Variants in ERC2 observed in about 807,000 individuals in gnomAD.
ERC2 encodes the protein ELKS/RAB6-interacting/CAST family member 2, also known as ERC protein 2.
Under a neutral mutation model 114.8 loss-of-function variants are expected in ERC2, and 42 were observed. The ratio of observed to expected loss-of-function variants is 0.37; its 90% CI spans 0.29 to 0.47. The LOEUF (loss-of-function observed/expected upper bound fraction) is 0.47, where lower values mean the gene tolerates loss of function less well. ERC2 is among the 20% of genes least tolerant of loss of function. The pLI, the probability that ERC2 is intolerant of heterozygous loss-of-function variation, is 0.99. For synonymous variants in ERC2, 454 were observed against 425.5 expected (o/e 1.07, Z -0.82); for missense variants, 939 against 1,150.7 (o/e 0.82, Z 2.66).
chr3:55,919,556 T>C (rs1421583505), intron 13 of ERC2, among the ~76,000 whole-genome samples: 1 of 152,140 alleles, frequency 6.6e-6, no homozygotes, highest in African/African-American at 2.4e-5. Flanking sequence ...AATTTGTAGG[T>C]ATCTGGAATA....
intron 17 of ERC2, among the ~76,000 whole-genome samples, chr3:55,535,169 A>G (rs1186517625): frequency 3.9e-5 from 6 of 152,118 alleles, no homozygotes; most frequent in African/African-American, 1.4e-4. Flanking sequence ...CCAGCTTTCC[A>G]AGTGGGGCTG....
intron 6 of ERC2, among the ~76,000 whole-genome samples, chr3:56,138,751 T>C (rs1340804354): frequency 6.6e-6 from 1 of 152,258 alleles, no homozygotes; most frequent in East Asian, 1.9e-4. Context: ...CATTTTTCCC[T>C]ATTGCCTGCT....
In ERC2 at chr3:55,873,612, T is replaced by C. The variant is rs74364815; in HGVS notation, c.2564+14777A>G. 7.0e-3 allele frequency among the ~76,000 whole-genome samples: 1,067 copies of C among 152,360 alleles called. 11 individuals carry two copies. Among genetic ancestry groups the C allele is most frequent in the African/African-American group, 0.025 (1,030 of 41,588 alleles). On this transcript the variant is annotated intron_variant, in intron 14 of 17. Coordinates refer to ENST00000288221, the MANE Select transcript of ERC2 (RefSeq NM_015576.3). Reference sequence around the variant, plus strand: ...CCAAGGCCCTGGGTGGTCTGGCCTCTGCCCACCTCTCCAGCCTCAACCAAT... The same window carrying C: ...CCAAGGCCCTGGGTGGTCTGGCCTCCGCCCACCTCTCCAGCCTCAACCAAT...
intron 3 of ERC2, among the ~76,000 whole-genome samples, chr3:56,235,619 C>A (rs891013596): frequency 6.6e-6 from 1 of 152,134 alleles, no homozygotes. Context: ...CTGACCGAGT[C>A]CAAGTTCCAG....
intron 13 of ERC2, among the ~76,000 whole-genome samples, chr3:55,890,840 C>A (rs1486423936): frequency 6.6e-6 from 1 of 152,174 alleles, no homozygotes; most frequent in African/African-American, 2.4e-5. Flanking sequence ...GGCCCTGGAC[C>A]GAGGACCATG....
intron 15 of ERC2, among the ~76,000 whole-genome samples, chr3:55,700,904 A>C (rs948787644): frequency 1.5e-4 from 23 of 152,150 alleles, no homozygotes; most frequent in Admixed American, 7.9e-4. Context: ...GAGTGACCAA[A>C]AGAATGAAGG....
chr3:56,038,872 G>T (rs1285393222), intron 7 of ERC2, among the ~76,000 whole-genome samples: 1 of 152,152 alleles, frequency 6.6e-6, no homozygotes, highest in African/African-American at 2.4e-5. Flanking sequence ...TTATAAGTTG[G>T]TGCTGAACAA....
intron 2 of ERC2, among the ~76,000 whole-genome samples, chr3:56,404,322 T>C (rs1488923614): frequency 6.6e-6 from 1 of 152,222 alleles, no homozygotes; most frequent in Non-Finnish European, 1.5e-5. Context: ...TTCTGTCTCA[T>C]CCCTAGAAAT....
At chr3:55,543,142 A>G (rs2107353818) in intron 17 of ERC2, among the ~76,000 whole-genome samples, 1 of 152,000 alleles carries the variant, frequency 6.6e-6, no homozygotes, top group East Asian at 1.9e-4. Context: ...CCTGAACTCC[A>G]TCAGACCTCG....
At chr3:55,803,926 T>C (rs1575651041) in intron 14 of ERC2, among the ~76,000 whole-genome samples, 2 of 152,282 alleles carry the variant, frequency 1.3e-5, no homozygotes, top group South Asian at 4.1e-4. Context: ...ACATCACTAA[T>C]TTATCCTAGA....
At chr3:56,430,138 A>T (rs1247254666) in intron 2 of ERC2, among the ~76,000 whole-genome samples, 1 of 152,228 alleles carries the variant, frequency 6.6e-6, no homozygotes, top group Non-Finnish European at 1.5e-5. Flanking sequence ...TTAGATCATT[A>T]GAACTTAGGT....
At chr3:55,971,262 G>C (rs2069134678) in intron 12 of ERC2, among the ~76,000 whole-genome samples, 1 of 151,920 alleles carries the variant, frequency 6.6e-6, no homozygotes, top group African/African-American at 2.4e-5. Context: ...AGAATTAGAG[G>C]GTGGTGATGG....
intron 17 of ERC2, among the ~76,000 whole-genome samples, chr3:55,515,961 C>T (rs1160436197): frequency 2.0e-5 from 3 of 152,110 alleles, no homozygotes; most frequent in Non-Finnish European, 4.4e-5. Context: ...AGTAGTAAAA[C>T]GCAGGCTATT....
intron 14 of ERC2, among the ~76,000 whole-genome samples, chr3:55,751,459 CAT>C (rs2066700900): frequency 6.6e-6 from 1 of 152,168 alleles, no homozygotes; most frequent in African/African-American, 2.4e-5. Context: ...TAAAATATGA[CAT>C]ACTCTGCCTC....
intron 14 of ERC2, among the ~76,000 whole-genome samples, chr3:55,781,300 G>A (rs570403183): frequency 1.3e-5 from 2 of 152,242 alleles, no homozygotes; most frequent in South Asian, 4.1e-4. Context: ...ACTGTTGGAA[G>A]AACAAGCACT....
intron 14 of ERC2, among the ~76,000 whole-genome samples, chr3:55,880,830 A>G (rs2063081068): frequency 6.6e-6 from 1 of 152,128 alleles, no homozygotes; most frequent in African/African-American, 2.4e-5. Flanking sequence ...TGAATGGAGA[A>G]GGCCAAGTTG....
chr3:56,169,809 A>T (rs1310119990), intron 4 of ERC2, among the ~76,000 whole-genome samples: 1 of 111,072 alleles, frequency 9.0e-6, no homozygotes, highest in Non-Finnish European at 2.0e-5. Context: ...TCATTTTCTT[A>T]AAAAAAAAAA....
At chr3:55,950,715 T>C (rs2067441485) in intron 12 of ERC2, 155 bp from the exon 13 acceptor site, 2 of 876,766 alleles carry the variant, frequency 2.3e-6, no homozygotes, top group African/African-American at 3.4e-5. Context: ...ACTACAAATA[T>C]GTATTGAGCA....
intron 15 of ERC2, among the ~76,000 whole-genome samples, chr3:55,729,140 A>G (rs1212865265): frequency 1.3e-5 from 2 of 152,162 alleles, no homozygotes; most frequent in Admixed American, 6.5e-5. Flanking sequence ...TCTGCCTCAG[A>G]ATACACCACT....
Sources: allele counts gnomAD v4.1 joint callset (sites outside exome capture counted in the v4.1 genomes callset), GRCh38; gene constraint gnomAD v4.1.1; transcripts MANE v1.5; gene names NCBI Gene and HGNC (gene_info 2026-07-23, HGNC 2026-07-21).